The following EYS variants were observed in gnomAD, a reference collection of about 807,000 sequenced individuals.
EYS encodes the protein protein eyes shut homolog.
In EYS, 250 loss-of-function variants were observed where a neutral mutation model predicts 282.1. That is an observed-to-expected ratio of 0.89 (90% CI 0.80 to 0.98). EYS has a LOEUF of 0.98. Among genes scored for constraint, EYS ranks in the 50% least tolerant of loss-of-function variants. The pLI, the probability that EYS is intolerant of heterozygous loss-of-function variation, is 0.00. For missense variants in EYS, 4,016 were observed against 3,709.0 expected (o/e 1.08, Z -2.15); for synonymous variants, 1,355 against 1,282.9 (o/e 1.06, Z -1.20).
intron 13 of EYS, among the ~76,000 whole-genome samples, chr6:65,048,999 GA>G (rs1424378403): frequency 2.0e-5 from 3 of 151,658 alleles, no homozygotes; most frequent in African/African-American, 7.3e-5. Flanking sequence ...GTCACAAAAA[GA>G]AAAGTAACCA....
chr6:65,505,118 G>A (rs1047098760), intron 2 of EYS, among the ~76,000 whole-genome samples: 9 of 151,676 alleles, frequency 5.9e-5, no homozygotes, highest in Non-Finnish European at 5.9e-5. Flanking sequence ...ATCTTTTCTT[G>A]CATGAGTATT....
At chr6:64,565,024 G>T (rs1167562542) in intron 26 of EYS, among the ~76,000 whole-genome samples, 1 of 151,852 alleles carries the variant, frequency 6.6e-6, no homozygotes, top group Non-Finnish European at 1.5e-5. Context: ...TTTTTCTGTT[G>T]ATTTATTTGA....
chr6:64,056,446 C>T lies in EYS; in HGVS notation c.6725+9892G>A, dbSNP rs375760517. On this transcript the variant is annotated intron_variant, in intron 33 of 42. Transcript: ENST00000503581. ...TTTACTTTTTCCTATTCTGAGAATACATTCCTATTACATTCCTACATTTCC... is the reference window on the plus strand; with the variant it reads ...TTTACTTTTTCCTATTCTGAGAATATATTCCTATTACATTCCTACATTTCC... Among the ~76,000 whole-genome samples, 39 of 152,310 alleles carry T rather than the reference C, an allele frequency of 2.6e-4. No individual in the cohort carries two copies. In the South Asian group the frequency reaches 7.7e-3, roughly 30 times the overall value.
At chr6:65,415,246 G>A (rs1354091461) in intron 5 of EYS, among the ~76,000 whole-genome samples, 1 of 151,972 alleles carries the variant, frequency 6.6e-6, no homozygotes, top group Non-Finnish European at 1.5e-5. Context: ...GCAATTCAAA[G>A]GATGGTCCCT....
At chr6:64,653,055 A>T (rs1032735609) in intron 22 of EYS, among the ~76,000 whole-genome samples, 1 of 152,164 alleles carries the variant, frequency 6.6e-6, no homozygotes, top group African/African-American at 2.4e-5. Flanking sequence ...TGAAAGTAAG[A>T]TGGGGTTATT....
At chr6:64,327,355 A>C (rs1770466694) in intron 29 of EYS, among the ~76,000 whole-genome samples, 1 of 151,870 alleles carries the variant, frequency 6.6e-6, no homozygotes, top group Admixed American at 6.5e-5. Context: ...GAGGAAAAGT[A>C]TCAAAGCCTA....
At chr6:65,460,759 A>T (rs973008627) in intron 5 of EYS, among the ~76,000 whole-genome samples, 13 of 152,100 alleles carry the variant, frequency 8.5e-5, no homozygotes, top group Admixed American at 5.9e-4. Context: ...TTGCCAAATA[A>T]ACTTAAAATA....
intron 1 of EYS, among the ~76,000 whole-genome samples, chr6:65,684,546 C>G (rs1321057783): frequency 6.6e-6 from 1 of 151,934 alleles, no homozygotes; most frequent in African/African-American, 2.4e-5. Context: ...TTTTGATACA[C>G]GTTTGTGTGT....
At chr6:65,588,178 C>T (rs1765118542) in intron 2 of EYS, among the ~76,000 whole-genome samples, 1 of 152,026 alleles carries the variant, frequency 6.6e-6, no homozygotes, top group African/African-American at 2.4e-5. Context: ...CATGCCATCA[C>T]TGAATAAATT....
intron 13 of EYS, among the ~76,000 whole-genome samples, chr6:65,032,194 G>T (rs1772626614): frequency 6.6e-6 from 1 of 152,098 alleles, no homozygotes; most frequent in Non-Finnish European, 1.5e-5. Context: ...AAACCAGGAA[G>T]AAACTGATTC....
chr6:65,197,191 TG>T (rs1765789777), intron 12 of EYS, among the ~76,000 whole-genome samples: 1 of 152,014 alleles, frequency 6.6e-6, no homozygotes, highest in Non-Finnish European at 1.5e-5. Context: ...CTCTCTGATG[TG>T]GGGGCATATA....
chr6:64,082,044 A>AT (rs1771991460), intron 31 of EYS, 42 bp from the exon 32 acceptor site: 1 of 1,307,998 alleles, frequency 7.6e-7, no homozygotes, highest in Admixed American at 2.3e-5. Context: ...ATAGCATTAT[A>AT]TTGCTACTCA....
At chr6:65,193,805 T>C (rs1386905546) in intron 12 of EYS, among the ~76,000 whole-genome samples, 1 of 151,694 alleles carries the variant, frequency 6.6e-6, no homozygotes, top group Non-Finnish European at 1.5e-5. Flanking sequence ...AGGTAAAATT[T>C]GGGGGATGCT....
Position 64,008,829 on chromosome 6 carries a change from G to A in EYS, c.6726-9646C>T, listed in dbSNP as rs142084970. Among the ~76,000 whole-genome samples the A allele has an allele frequency of 3.6e-3, 548 of 152,300 alleles. 3 individuals are homozygous for A. Among genetic ancestry groups the A allele is most frequent in the African/African-American group, 0.012 (513 of 41,552 alleles). On this transcript the variant is annotated intron_variant, in intron 33 of 42. Transcript: ENST00000503581. The stretch of plus-strand genomic sequence containing the variant: ...TTGCTTTTAGGGTTTCTGCTGAAAG[G>A]TCTGCTGTTAGCCTGATGGGGTTCC...
At chr6:65,308,308 T>C (rs1264089665) in intron 11 of EYS, among the ~76,000 whole-genome samples, 1 of 24,186 alleles carries the variant, frequency 4.1e-5, no homozygotes, top group African/African-American at 1.4e-4. Flanking sequence ...ATGTCTTGCC[T>C]GACAAGTTTA....
intron 28 of EYS, among the ~76,000 whole-genome samples, chr6:64,391,427 T>C (rs1297225679): frequency 6.6e-6 from 1 of 152,124 alleles, no homozygotes; most frequent in African/African-American, 2.4e-5. Flanking sequence ...AGCAGATCTC[T>C]CGGCAGAAAC....
intron 12 of EYS, among the ~76,000 whole-genome samples, chr6:65,209,935 A>AC (rs1766131662): frequency 6.6e-6 from 1 of 152,022 alleles, no homozygotes; most frequent in Non-Finnish European, 1.5e-5. Flanking sequence ...TCTGTATTGC[A>AC]TCCAGCACAA....
At chr6:65,228,007 T>A (rs924159671) in intron 12 of EYS, among the ~76,000 whole-genome samples, 1 of 152,032 alleles carries the variant, frequency 6.6e-6, no homozygotes, top group African/African-American at 2.4e-5. Flanking sequence ...GATGGTCACA[T>A]AACAACGTGA....
At chr6:64,417,813 GGT>G (rs1774106021) in intron 28 of EYS, among the ~76,000 whole-genome samples, 3 of 151,614 alleles carry the variant, frequency 2.0e-5, no homozygotes, top group African/African-American at 7.3e-5. Context: ...TGGCACTACA[GGT>G]GCACACCACC....
Sources: gnomAD v4.1 joint callset for allele counts (sites outside exome capture counted in the v4.1 genomes callset) on GRCh38, gnomAD v4.1.1 for gene constraint, MANE v1.5 for transcripts, NCBI Gene and HGNC (gene_info 2026-07-23, HGNC 2026-07-21) for gene names.